NEGR1: variants seen among roughly 807,000 people sequenced by gnomAD.
NEGR1 encodes neuronal growth regulator 1, also known as IgLON family member 4.
NEGR1 carries 10 observed loss-of-function variants against 40.9 expected under a neutral mutation model. The observed-to-expected ratio is 0.24, with a 90% CI of 0.15 to 0.42. The LOEUF is 0.42. Ranked by LOEUF, NEGR1 falls within the 10% of genes least tolerant of loss-of-function variation. NEGR1 has a pLI of 1.00. For missense variants in NEGR1, 352 were observed against 438.9 expected, an observed-to-expected ratio of 0.80 and a Z score of 1.77; for synonymous variants, 185 against 166.8, an observed-to-expected ratio of 1.11 and a Z score of -0.84.
intron 3 of NEGR1, among the ~76,000 whole-genome samples, chr1:71,718,771 A>G (rs145874571): frequency 8.5e-5 from 13 of 152,304 alleles, no homozygotes; most frequent in African/African-American, 2.9e-4. Flanking sequence ...GTAAAAAATA[A>G]TCAAATCAGT....
intron 2 of NEGR1, among the ~76,000 whole-genome samples, chr1:71,873,969 C>T (rs368953136): frequency 2.6e-5 from 4 of 152,248 alleles, no homozygotes; most frequent in East Asian, 3.9e-4. Context: ...TGCTTATTTG[C>T]TTCAAAGGAT....
intron 6 of NEGR1, among the ~76,000 whole-genome samples, chr1:71,459,353 C>T (rs978035259): frequency 1.3e-5 from 2 of 152,180 alleles, no homozygotes; most frequent in Admixed American, 1.3e-4. Context: ...AGAGTGATCT[C>T]ATACTTTAAT....
intron 3 of NEGR1, among the ~76,000 whole-genome samples, chr1:71,717,217 C>T (rs1570252547): frequency 6.6e-6 from 1 of 152,174 alleles, no homozygotes; most frequent in South Asian, 2.1e-4. Flanking sequence ...TATGCTGTAG[C>T]CTAATAAAAC....
chr1:72,277,011 T>A (rs1055407576), intron 1 of NEGR1, among the ~76,000 whole-genome samples: 3 of 152,020 alleles, frequency 2.0e-5, no homozygotes, highest in Non-Finnish European at 4.4e-5. Context: ...TAGTTATCAG[T>A]TGGAAGTTGG....
chr1:71,507,131 T>C (rs1647040284), intron 6 of NEGR1, among the ~76,000 whole-genome samples: 1 of 152,206 alleles, frequency 6.6e-6, no homozygotes, highest in South Asian at 2.1e-4. Context: ...CCATAGTTCA[T>C]GTAAATGGTC....
chr1:72,126,173 G>C lies in NEGR1; in HGVS notation c.176+156146C>G, dbSNP rs116766293. ...AGAGAGAGGAACGGAGAGAGGGAGA[G>C]AGAACGCATTTTATGAAGAGACAGT... On this transcript the variant is annotated intron_variant, in intron 1 of 6. Transcript: ENST00000357731. Among the ~76,000 whole-genome samples, 1,316 of 151,534 alleles carry C rather than the reference G, an allele frequency of 8.7e-3. 12 individuals are homozygous for C. Among genetic ancestry groups the C allele is most frequent in the Middle Eastern group, 0.017 (5 of 294 alleles).
At chr1:71,604,662 C>G (rs1650024852) in intron 5 of NEGR1, among the ~76,000 whole-genome samples, 1 of 152,024 alleles carries the variant, frequency 6.6e-6, no homozygotes, top group African/African-American at 2.4e-5. Context: ...GTCACCATGC[C>G]TCTATGTAAA....
At chr1:72,185,074 A>G (rs1411800220) in intron 1 of NEGR1, among the ~76,000 whole-genome samples, 4 of 151,938 alleles carry the variant, frequency 2.6e-5, no homozygotes, top group Middle Eastern at 3.2e-3. Context: ...AGAGACAATG[A>G]GCATAAAGCA....
chr1:72,275,726 T>C (rs138482888), intron 1 of NEGR1, among the ~76,000 whole-genome samples: 138 of 152,228 alleles, frequency 9.1e-4, no homozygotes, highest in African/African-American at 3.2e-3. Flanking sequence ...CGCTTATTTA[T>C]ATATGAGCCA....
chr1:71,947,820 A>G (rs1238167137), intron 1 of NEGR1, among the ~76,000 whole-genome samples: 1 of 152,082 alleles, frequency 6.6e-6, no homozygotes, highest in Non-Finnish European at 1.5e-5. Context: ...AATTTCTTAG[A>G]ACTATCTGTT....
intron 4 of NEGR1, among the ~76,000 whole-genome samples, chr1:71,622,459 T>C (rs1048908795): frequency 5.3e-5 from 8 of 151,970 alleles, no homozygotes; most frequent in African/African-American, 1.9e-4. Flanking sequence ...ATAAAAATTA[T>C]TTTTAGTGAA....
At chr1:71,415,869 G>A (rs772019291) in intron 6 of NEGR1, among the ~76,000 whole-genome samples, 8 of 152,094 alleles carry the variant, frequency 5.3e-5, no homozygotes, top group Non-Finnish European at 1.2e-4. Flanking sequence ...TTTGCAAATG[G>A]GTTTCTATGT....
At chr1:71,992,311 A>C (rs934597181) in intron 1 of NEGR1, among the ~76,000 whole-genome samples, 2 of 152,200 alleles carry the variant, frequency 1.3e-5, no homozygotes, top group Admixed American at 6.5e-5. Context: ...TTATATACAC[A>C]TTGCTACAAG....
At chr1:71,750,004 T>TTTTTTTTTTTTTTTTG (rs34032960) in intron 3 of NEGR1, among the ~76,000 whole-genome samples, 1 of 150,484 alleles carries the variant, frequency 6.6e-6, no homozygotes, top group African/African-American at 2.5e-5. Context: ...TTTTTTTTTT[T>TTTTTTTTTTTTTTTTG]GAGACGGAGT....
At chr1:71,964,435 A>T (rs982169742) in intron 1 of NEGR1, among the ~76,000 whole-genome samples, 4 of 152,054 alleles carry the variant, frequency 2.6e-5, no homozygotes, top group African/African-American at 9.7e-5. Context: ...CGCCAAGGAG[A>T]GGCCATGCGT....
intron 3 of NEGR1, among the ~76,000 whole-genome samples, chr1:71,723,505 T>C (rs377156380): frequency 1.3e-5 from 2 of 152,174 alleles, no homozygotes; most frequent in East Asian, 3.9e-4. Flanking sequence ...GCCTGTGTAA[T>C]AAAACATTCA....
At chr1:72,259,569 T>C (rs12079124) in intron 1 of NEGR1, among the ~76,000 whole-genome samples, 6,489 of 152,164 alleles carry the variant, frequency 0.043, 460 homozygotes, top group African/African-American at 0.15. Context: ...AGAGGGAAAG[T>C]TTTTTCCATC....
intron 1 of NEGR1, among the ~76,000 whole-genome samples, chr1:72,018,211 T>C (rs932605599): frequency 5.3e-5 from 8 of 152,186 alleles, no homozygotes; most frequent in Admixed American, 3.9e-4. Context: ...TATGAATGAA[T>C]ATTTATTGAA....
At chr1:71,901,774 G>A (rs1222003979) in intron 2 of NEGR1, among the ~76,000 whole-genome samples, 1 of 149,232 alleles carries the variant, frequency 6.7e-6, no homozygotes, top group East Asian at 2.0e-4. Context: ...GGGTTCAAGC[G>A]ATTCTCCTGC....
Sources: gnomAD v4.1 joint callset for allele counts (sites outside exome capture counted in the v4.1 genomes callset) on GRCh38, gnomAD v4.1.1 for gene constraint, MANE v1.5 for transcripts, NCBI Gene and HGNC (gene_info 2026-07-23, HGNC 2026-07-21) for gene names.